Variants in PDHA1 observed in about 807,000 individuals in gnomAD.
PDHA1 encodes the protein pyruvate dehydrogenase E1 component subunit alpha, somatic form, mitochondrial.
PDHA1 carries 1 observed loss-of-function variant against 33.0 expected under a neutral mutation model. The observed-to-expected ratio is 0.03, with a 90% CI of 0.01 to 0.14. The LOEUF is 0.14. PDHA1 is among the 10% of genes least tolerant of loss of function. The pLI, the probability that PDHA1 is intolerant of heterozygous loss-of-function variation, is 1.00. For missense variants in PDHA1, 168 were observed against 325.1 expected, an observed-to-expected ratio of 0.52 and a Z score of 3.72; for synonymous variants, 123 against 119.2, an observed-to-expected ratio of 1.03 and a Z score of -0.21.
chrX:19,359,795 A>AT lies in PDHA1; in HGVS notation c.*142_*143insT, dbSNP rs1481906952. ...TAAGTGTGTAGATTGAGCAGGTAGT[A>AT]ATTGCATGCAGTTTGTACATTAGTG... On this transcript the variant is annotated 3_prime_UTR_variant, in exon 11 of 11. Coordinates refer to ENST00000422285, the MANE Select transcript of PDHA1 (RefSeq NM_000284.4). 1 of 536,452 alleles carries AT rather than the reference A, an allele frequency of 1.9e-6. No individual in the cohort carries two copies. The highest frequency in any genetic ancestry group is 3.2e-6 in the Non-Finnish European group (1 of 312,575). The allele number at this position is 536,452 out of a possible 1,213,427, so 44.2% of individuals were successfully genotyped here. A position where few individuals can be genotyped will look rare whatever the true frequency, so the allele number is the denominator to read the frequency against.
intron 1 of PDHA1, among the ~76,000 whole-genome samples, chrX:19,345,124 C>G (rs1451973141): frequency 9.0e-6 from 1 of 111,129 alleles, no homozygotes; most frequent in Admixed American, 9.6e-5. Context: ...GCATTCTGAC[C>G]CCCCTAGGCA....
In PDHA1 at chrX:19,361,658, GGA is replaced by G. The variant is rs1375083448; in HGVS notation, c.*2006_*2007del. The stretch of plus-strand genomic sequence containing the variant: ...TAAAACTCTTCAAAAGTAACCAGTT[GGA>G]TTAATAAATGATTCCAGAATGTAAA... On this transcript the variant is annotated 3_prime_UTR_variant, in exon 11 of 11. Transcript: ENST00000422285. The G allele has an allele frequency of 1.8e-5, 14 of 764,763 alleles. No homozygotes were observed. The highest frequency in any genetic ancestry group is 4.2e-5 in the African/African-American group (2 of 47,540). The allele number at this position is 764,763 out of a possible 1,213,427, so 63.0% of individuals were successfully genotyped here.
chrX:19,361,323 G>C lies in PDHA1; in HGVS notation c.*1670G>C, dbSNP rs1242639335. ...AAAGTTGTATTCTCTTATACAAACT[G>C]TTTTGAGGCTCTTACCGTAGTCGAA... On this transcript the variant is annotated 3_prime_UTR_variant, in exon 11 of 11. Coordinates refer to ENST00000422285, the MANE Select transcript of PDHA1 (RefSeq NM_000284.4). The C allele has an allele frequency of 4.2e-6, 5 of 1,177,556 alleles. No individual in the cohort carries two copies. The highest frequency in any genetic ancestry group is 5.8e-6 in the Non-Finnish European group (5 of 868,087).
In PDHA1 at chrX:19,344,111, G is replaced by T. The variant is rs1360802445; in HGVS notation, c.57+17G>T. Reference sequence around the variant, plus strand: ...CAGAAGCCGGTGAGACCTCCCGGGCGGGCCGGGATGGGGCGCGAGTGGGGC... The same window carrying T: ...CAGAAGCCGGTGAGACCTCCCGGGCTGGCCGGGATGGGGCGCGAGTGGGGC... On this transcript the variant is annotated intron_variant, in intron 1 of 10. Transcript: ENST00000422285. 1.7e-6 allele frequency: 2 copies of T among 1,180,100 alleles called. No individual in the cohort carries two copies. The highest frequency in any genetic ancestry group is 3.6e-5 in the South Asian group (2 of 55,116).
chrX:19,358,111 T>A (rs1325090135), intron 9 of PDHA1, among the ~76,000 whole-genome samples: 1 of 112,036 alleles, frequency 8.9e-6, no homozygotes, highest in Non-Finnish European at 1.9e-5. Flanking sequence ...TTCCTCTGTC[T>A]GGTATAGAGC....
Position 19,349,170 on chromosome X carries a change from G to T in PDHA1, c.58-142G>T, listed in dbSNP as rs1569189795. 1.4e-5 allele frequency: 7 copies of T among 495,778 alleles called. No homozygotes were observed. The South Asian group carries it at 1.8e-4, about 12-fold the overall frequency. The allele number at this position is 495,778 out of a possible 1,213,427, so 40.9% of individuals were successfully genotyped here. ...AGGCCAAGGAAGATGCAAACACAGT[G>T]CACAGGGTGGAAGAGAAGCCTATGA... On this transcript the variant is annotated intron_variant, in intron 1 of 10. Coordinates refer to ENST00000422285, the MANE Select transcript of PDHA1 (RefSeq NM_000284.4).
rs923765752 is a variant in PDHA1 at position 19,361,111 on chromosome X, C to T, written c.*1458C>T. The T allele has an allele frequency of 1.8e-4, 77 of 420,801 alleles. No homozygotes were observed. The highest frequency in any genetic ancestry group is 6.5e-4 in the Middle Eastern group (1 of 1,544). The allele number at this position is 420,801 out of a possible 1,213,427, so 34.7% of individuals were successfully genotyped here. ...CGCTTGCCATGTGCCTCCACCCACT[C>T]CCAGCCAGGCATTAATGGCAGGAGA... On this transcript the variant is annotated 3_prime_UTR_variant, in exon 11 of 11. Transcript: ENST00000422285.
intron 1 of PDHA1, chrX:19,345,948 T>C (rs894897439): frequency 1.5e-5 from 2 of 133,365 alleles, no homozygotes; most frequent in African/African-American, 6.5e-5. Context: ...TTCACTTTTA[T>C]TTTTTTAAAG....
At chrX:19,356,097 CCA>C (rs759228789) in intron 8 of PDHA1, among the ~76,000 whole-genome samples, 36 of 111,716 alleles carry the variant, frequency 3.2e-4, no homozygotes, top group African/African-American at 3.6e-4. Context: ...TTGGGGATCC[CCA>C]CAGTGTCCAG....
chrX:19,359,155 C>CCAAAGTCCCTTGGGGTGGGGGCT lies in PDHA1; in HGVS notation c.1008+132_1008+154dup. 5 of 507,591 alleles carry CCAAAGTCCCTTGGGGTGGGGGCT rather than the reference C, an allele frequency of 9.9e-6. No homozygotes were observed. In the South Asian group the frequency reaches 1.4e-4, roughly 14 times the overall value. 41.8% of individuals were successfully genotyped at this position (507,591 alleles called of 1,213,427 possible). ...CTGGGACATAAATAGTTCCATAGTT[C>CCAAAGTCCCTTGGGGTGGGGGCT]CAAAGTCCCTTGGGGTGGGGGCTTT... is the stretch of plus-strand genomic sequence containing the variant. On this transcript the variant is annotated intron_variant, in intron 10 of 10. Coordinates refer to ENST00000422285, the MANE Select transcript of PDHA1 (RefSeq NM_000284.4).
chrX:19,357,817 AC>A, intron 9 of PDHA1, 98 bp downstream of exon 9: 1 of 653,268 alleles, frequency 1.5e-6, no homozygotes, highest in Non-Finnish European at 2.6e-6. Flanking sequence ...GGAGCTAGAT[AC>A]CAGTTCACTT....
Position 19,357,654 on chromosome X carries a change from G to A in PDHA1, c.834G>A (p.Gly278=). The part of the protein sequence containing the change: ...FAAAYCRSGK[G]PILMELQTYR... ...ACTGCCTACCGGTTCTGTTTTAGGG[G>A]CCCATCCTGATGGAGCTGCAGACTT... Residue 278 remains glycine, a splice_region_variant and synonymous_variant, in exon 9 of 11, where the codon GGG becomes GGA. Transcript: ENST00000422285. The A allele has an allele frequency of 8.3e-7, 1 of 1,207,915 alleles. No individual in the cohort carries two copies. Among genetic ancestry groups the A allele is most frequent in the Non-Finnish European group, 1.1e-6 (1 of 891,930 alleles).
chrX:19,348,850 A>G (rs1004578221), intron 1 of PDHA1, among the ~76,000 whole-genome samples: 2 of 111,933 alleles, frequency 1.8e-5, no homozygotes, highest in African/African-American at 6.5e-5. Context: ...AGACTGAGAC[A>G]GGAGAAATCA....
At chrX:19,357,434 T>C (rs1030256564) in intron 8 of PDHA1, 4 of 440,301 alleles carry the variant, frequency 9.1e-6, no homozygotes, top group Non-Finnish European at 1.6e-5. Flanking sequence ...TGTTGGCAGA[T>C]TGCCTTATTA....
At position 19,360,785 on chromosome X, in the gene PDHA1, C is replaced by A; in HGVS notation, c.*1132C>A. 1 of 1,209,518 alleles carries A rather than the reference C, an allele frequency of 8.3e-7. No homozygotes were observed. Among genetic ancestry groups the A allele is most frequent in the Non-Finnish European group, 1.1e-6 (1 of 894,589 alleles). ...CTTTGGTTTCTGAGGCCTCCTGAGCCCTTCTGTACTGGGAGACCGCACTCC... is the reference window on the plus strand; with the variant it reads ...CTTTGGTTTCTGAGGCCTCCTGAGCACTTCTGTACTGGGAGACCGCACTCC... On this transcript the variant is annotated 3_prime_UTR_variant, in exon 11 of 11. Transcript: ENST00000422285.
At chrX:19,350,780 T>G (rs997821075) in intron 3 of PDHA1, among the ~76,000 whole-genome samples, 1 of 111,497 alleles carries the variant, frequency 9.0e-6, no homozygotes, top group African/African-American at 3.3e-5. Flanking sequence ...AGGTCAAGGG[T>G]TAGAGTCAAA....
chrX:19,357,647 T>A lies in PDHA1; in HGVS notation c.832-5T>A. On this transcript the variant is annotated splice_polypyrimidine_tract_variant and splice_region_variant and intron_variant, in intron 8 of 10. Coordinates refer to ENST00000422285, the MANE Select transcript of PDHA1 (RefSeq NM_000284.4). ...CTAACTAACTGCCTACCGGTTCTGTTTTAGGGGCCCATCCTGATGGAGCTG... is the reference window on the plus strand; with the variant it reads ...CTAACTAACTGCCTACCGGTTCTGTATTAGGGGCCCATCCTGATGGAGCTG... 1 of 1,206,024 alleles carries A rather than the reference T, an allele frequency of 8.3e-7. No individual in the cohort carries two copies. Among genetic ancestry groups the A allele is most frequent in the Non-Finnish European group, 1.1e-6 (1 of 890,361 alleles).
At position 19,359,799 on chromosome X, in the gene PDHA1, G is replaced by A; in HGVS notation, c.*146G>A. ...TGTGTAGATTGAGCAGGTAGTAATTGCATGCAGTTTGTACATTAGTGCATT... is the reference window on the plus strand; with the variant it reads ...TGTGTAGATTGAGCAGGTAGTAATTACATGCAGTTTGTACATTAGTGCATT... On this transcript the variant is annotated 3_prime_UTR_variant, in exon 11 of 11. Transcript: ENST00000422285. The A allele has an allele frequency of 1.9e-6, 1 of 522,532 alleles. No individual in the cohort carries two copies. The highest frequency in any genetic ancestry group is 3.3e-6 in the Non-Finnish European group (1 of 304,154). The allele number at this position is 522,532 out of a possible 1,213,427, so 43.1% of individuals were successfully genotyped here.
In PDHA1 at chrX:19,351,379, C is replaced by T. The variant is rs756138817; in HGVS notation, c.390C>T (p.Ser130=). ...AHGFTFTRGL[S]VREILAELTG... The stretch of plus-strand genomic sequence containing the variant: ...GCTTTACTTTCACCCGGGGCCTTTC[C>T]GTCCGAGAAATTCTCGCAGAGCTTA... The change falls in exon 4 of 11, where the codon TCC becomes TCT. Residue 130 remains serine, a synonymous_variant. Transcript: ENST00000422285. 2.2e-5 allele frequency: 27 copies of T among 1,208,668 alleles called. No individual in the cohort carries two copies. Among genetic ancestry groups the T allele is most frequent in the Non-Finnish European group, 2.6e-5 (23 of 893,918 alleles).
Sources: allele counts gnomAD v4.1 joint callset (sites outside exome capture counted in the v4.1 genomes callset), GRCh38; gene constraint gnomAD v4.1.1; transcripts MANE v1.5; gene names NCBI Gene and HGNC (gene_info 2026-07-23, HGNC 2026-07-21).